Variants in KCNT1 observed in about 807,000 individuals in gnomAD.
KCNT1 encodes the protein potassium channel subfamily T member 1.
A neutral mutation model predicts 147.8 loss-of-function variants in KCNT1; 78 were observed. The observed-to-expected ratio is 0.53, with a 90% CI of 0.44 to 0.64. The LOEUF is 0.64. KCNT1 is among the 30% of genes least tolerant of loss of function. KCNT1 has a pLI of 0.00. For missense variants in KCNT1, 1,419 were observed against 1,750.3 expected, an observed-to-expected ratio of 0.81 and a Z score of 3.38; for synonymous variants, 867 against 748.8, an observed-to-expected ratio of 1.16 and a Z score of -2.58.
At chr9:135,768,198 C>T (rs1832423272) in intron 13 of KCNT1, among the ~76,000 whole-genome samples, 1 of 112,292 alleles carries the variant, frequency 8.9e-6, no homozygotes, top group Admixed American at 1.0e-4. Context: ...TCAGAGCCTG[C>T]CAGGGATGGG....
At chr9:135,736,064 C>T (rs1029248626) in intron 2 of KCNT1, among the ~76,000 whole-genome samples, 1 of 152,238 alleles carries the variant, frequency 6.6e-6, no homozygotes, top group Non-Finnish European at 1.5e-5. Context: ...GGCACCATCC[C>T]GGAGTGCCCC....
At chr9:135,733,825 C>G (rs1830227312) in intron 2 of KCNT1, among the ~76,000 whole-genome samples, 1 of 149,204 alleles carries the variant, frequency 6.7e-6, no homozygotes, top group South Asian at 2.2e-4. Flanking sequence ...CACGAGATGT[C>G]ACCTGGCAGG....
chr9:135,790,632 C>T (rs1372499511), intron 29 of KCNT1: 2 of 152,532 alleles, frequency 1.3e-5, no homozygotes, highest in Non-Finnish European at 2.9e-5. Context: ...GCATGGCCCC[C>T]ACCTGGCTGG....
intron 2 of KCNT1, among the ~76,000 whole-genome samples, 195 bp from the exon 3 acceptor site, chr9:135,749,903 C>T (rs886078976): frequency 6.6e-6 from 1 of 152,022 alleles, no homozygotes. Flanking sequence ...GAGGCTGGGT[C>T]GGCTGTCTGC....
At chr9:135,702,721 GC>G (rs1835082090) in intron 1 of KCNT1, among the ~76,000 whole-genome samples, 1 of 152,032 alleles carries the variant, frequency 6.6e-6, no homozygotes, top group African/African-American at 2.4e-5. Flanking sequence ...CCCAGCCCCT[GC>G]CCCACCCCAG....
Position 135,770,993 on chromosome 9 carries a change from A to G in KCNT1, c.1906A>G (p.Ile636Val), listed in dbSNP as rs1377664941. The change falls in exon 18 of 31, where the codon ATC (isoleucine) becomes GTC (valine). Residue 636 changes from isoleucine (I) to valine (V), a missense_variant. Ile to Val is a conservative substitution (Grantham distance 29). Around this residue, in one of 5 missense-constraint regions of KCNT1, gnomAD observed 284 missense variants for 292.8 expected, o/e 0.97. Coordinates refer to ENST00000371757, the MANE Select transcript of KCNT1 (RefSeq NM_020822.3). ...NITKEENSAF[I>V]FKQEEKRKKR... ...CACCAAGGAGGAGAACTCGGCCTTCATCTTCAAGCAGGAGGAGAAGCGGAA... is the reference window on the plus strand; with the variant it reads ...CACCAAGGAGGAGAACTCGGCCTTCGTCTTCAAGCAGGAGGAGAAGCGGAA... 1 of 1,613,808 alleles carries G rather than the reference A, an allele frequency of 6.2e-7. No individual in the cohort carries two copies. Among genetic ancestry groups the G allele is most frequent in the Non-Finnish European group, 8.5e-7 (1 of 1,179,926 alleles).
At chr9:135,744,712 T>C (rs1173853318) in intron 2 of KCNT1, among the ~76,000 whole-genome samples, 1 of 152,196 alleles carries the variant, frequency 6.6e-6, no homozygotes, top group African/African-American at 2.4e-5. Flanking sequence ...CTGACGGCTC[T>C]CCCAGGGCCA....
rs558432210 is a variant in KCNT1 at position 135,789,235 on chromosome 9, G to A, written c.3503-2562G>A. On this transcript the variant is annotated intron_variant, in intron 29 of 30. Transcript: ENST00000371757. ...GGGCAGGCATGGCCACAGCGGGCTT[G>A]GGGGGCGAGGGCTCACAGGACTCCC... 4 of 152,214 alleles carry A rather than the reference G, an allele frequency of 2.6e-5. No homozygotes were observed. In the South Asian group the frequency reaches 8.3e-4, roughly 32 times the overall value. The allele number at this position is 152,214 out of a possible 1,614,324, so 9.4% of individuals were successfully genotyped here.
Position 135,765,716 on chromosome 9 carries a change from C to G in KCNT1, c.1293C>G (p.Tyr431Ter). The change falls in exon 13 of 31, where the codon TAC becomes TAG. Residue 431 changes from tyrosine to a stop codon, truncating the protein, a stop_gained. Coordinates refer to ENST00000371757, the MANE Select transcript of KCNT1 (RefSeq NM_020822.3). LOFTEE classifies it high-confidence loss of function. ...QIPLWSQRVI[Y>*]LQGSALKDQD... ...CTCTGTGGTCCCAGCGGGTCATCTACCTCCAGGGCTCTGCACTCAAAGACC... is the reference window on the plus strand; with the variant it reads ...CTCTGTGGTCCCAGCGGGTCATCTAGCTCCAGGGCTCTGCACTCAAAGACC... 6.2e-7 allele frequency: 1 copy of G among 1,610,528 alleles called. No homozygotes were observed.
intron 2 of KCNT1, among the ~76,000 whole-genome samples, chr9:135,731,989 T>TAGAGAG (rs1836477165): frequency 1.7e-3 from 31 of 18,640 alleles, no homozygotes; most frequent in East Asian, 5.0e-3. Context: ...TATATATATA[T>TAGAGAG]ATAGAGAGAG....
intron 2 of KCNT1, among the ~76,000 whole-genome samples, chr9:135,745,481 G>A (rs1163151569): frequency 3.3e-5 from 5 of 152,252 alleles, no homozygotes; most frequent in Middle Eastern, 3.2e-3. Flanking sequence ...ACGGTGAGTC[G>A]AAGGCCTGCG....
intron 18 of KCNT1, among the ~76,000 whole-genome samples, chr9:135,772,403 C>T (rs183801437): frequency 1.8e-4 from 28 of 152,294 alleles, no homozygotes; most frequent in Non-Finnish European, 2.9e-4. Context: ...AAGGCTGAGA[C>T]CCCCGAGCCC....
Position 135,770,373 on chromosome 9 carries a change from C to T in KCNT1, c.1695C>T (p.Arg565=), listed in dbSNP as rs553208215. 1.1e-5 allele frequency: 17 copies of T among 1,613,260 alleles called. No individual in the cohort carries two copies. Among genetic ancestry groups the T allele is most frequent in the Non-Finnish European group, 1.4e-5 (17 of 1,179,804 alleles). ...CCGGCAACGAGGTGTACCACATCCGCATGGGTGACAGCAAGTTCTTCCGCG... is the reference window on the plus strand; with the variant it reads ...CCGGCAACGAGGTGTACCACATCCGTATGGGTGACAGCAAGTTCTTCCGCG... The part of the protein sequence containing the change: ...RCSGNEVYHI[R]MGDSKFFREY... The change falls in exon 17 of 31, where the codon CGC becomes CGT. Residue 565 remains arginine (R), a synonymous_variant. Coordinates refer to ENST00000371757, the MANE Select transcript of KCNT1 (RefSeq NM_020822.3).
At chr9:135,771,310 G>GGTGGGACAGGAGACCAGACCA in intron 18 of KCNT1, 1 of 603,370 alleles carries the variant, frequency 1.7e-6, no homozygotes, top group Non-Finnish European at 2.9e-6. Flanking sequence ...AGACCAGACC[G>GGTGGGACAGGAGACCAGACCA]GGCAGGGCAG....
intron 2 of KCNT1, among the ~76,000 whole-genome samples, chr9:135,749,285 G>T (rs983270853): frequency 2.0e-5 from 3 of 152,222 alleles, no homozygotes; most frequent in Admixed American, 6.5e-5. Context: ...GCCACGGTAG[G>T]TGAGCCACGC....
intron 2 of KCNT1, among the ~76,000 whole-genome samples, chr9:135,728,802 A>T (rs1029838544): frequency 6.6e-6 from 1 of 152,154 alleles, no homozygotes; most frequent in African/African-American, 2.4e-5. Context: ...GGTTATGGTG[A>T]TTCACAAACC....
At chr9:135,737,049 C>A (rs943905716) in intron 2 of KCNT1, 1 of 231,346 alleles carries the variant, frequency 4.3e-6, no homozygotes, top group Non-Finnish European at 8.4e-6. Flanking sequence ...GGAAGTGGAC[C>A]CAGCTCTGTG....
At chr9:135,731,785 T>C (rs1836442288) in intron 2 of KCNT1, among the ~76,000 whole-genome samples, 2 of 151,796 alleles carry the variant, frequency 1.3e-5, no homozygotes, top group African/African-American at 4.8e-5. Context: ...CCCTTCGTAG[T>C]GACTCACTGG....
intron 14 of KCNT1, 44 bp downstream of exon 14, chr9:135,768,717 G>A: frequency 6.5e-6 from 10 of 1,539,392 alleles, no homozygotes; most frequent in Non-Finnish European, 8.8e-6. Flanking sequence ...GGGCACCGTG[G>A]GGCCGGGGAG....
Sources: allele counts gnomAD v4.1 joint callset (sites outside exome capture counted in the v4.1 genomes callset), GRCh38; gene constraint gnomAD v4.1.1; regional missense constraint gnomAD v4.1.1; transcripts MANE v1.5; gene names NCBI Gene and HGNC (gene_info 2026-07-23, HGNC 2026-07-21).